The following NOS1AP variants were observed in gnomAD, a reference collection of about 807,000 sequenced individuals.
The protein encoded by NOS1AP is carboxyl-terminal PDZ ligand of neuronal nitric oxide synthase protein.
NOS1AP carries 21 observed loss-of-function variants against 56.2 expected under a neutral mutation model. The observed-to-expected ratio is 0.37, with a 90% CI of 0.26 to 0.54. NOS1AP has a LOEUF of 0.54. NOS1AP is among the 20% of genes least tolerant of loss of function. The pLI, the probability that NOS1AP is intolerant of heterozygous loss-of-function variation, is 0.84. For missense variants in NOS1AP, 522 were observed against 657.8 expected, an observed-to-expected ratio of 0.79 and a Z score of 2.26; for synonymous variants, 270 against 274.6, an observed-to-expected ratio of 0.98 and a Z score of 0.17.
In NOS1AP at chr1:162,365,467, G is replaced by A. The variant is rs142303407; in HGVS notation, c.1003G>A (p.Val335Met). 1.9e-4 allele frequency: 303 copies of A among 1,613,998 alleles called. 1 individual carries two copies. In the African/African-American group the frequency reaches 3.3e-3, roughly 17 times the overall value. The change falls in exon 9 of 10, where the codon GTG (valine) becomes ATG (methionine). Residue 335 changes from valine to methionine, a missense_variant. This residue lies in a region of NOS1AP where 52 missense variants were observed against 94.5 expected (regional missense o/e 0.55). Transcript: ENST00000361897. ...GGCGCGGCTGGAGGCCCAGGCTCGC[G>A]TGCATCAGCTTTTGCTGCAGAACAA... Reference protein sequence around the residue: ...AAARLEAQARVHQLLLQNKDM... With the variant: ...AAARLEAQARMHQLLLQNKDM...
chr1:162,127,264 T>A (rs369480739), intron 1 of NOS1AP, among the ~76,000 whole-genome samples: 116 of 152,320 alleles, frequency 7.6e-4, no homozygotes, highest in African/African-American at 2.6e-3. Context: ...CAACCACATA[T>A]AACTTTTTGT....
At position 162,331,025 on chromosome 1, in the gene NOS1AP, G is replaced by T. The variant is rs557963422; in HGVS notation, c.345-1992G>T. On this transcript the variant is annotated intron_variant, in intron 4 of 9. Transcript: ENST00000361897. ...GGGAATATGATGAATTCACTCGGGG[G>T]TATGAGGAATTTGAGAAGCTTGAGA... is the stretch of plus-strand genomic sequence containing the variant. Among the ~76,000 whole-genome samples the T allele has an allele frequency of 1.4e-4, 21 of 152,244 alleles. No individual in the cohort carries two copies. In the South Asian group the frequency reaches 3.3e-3, roughly 24 times the overall value.
At chr1:162,183,770 C>G (rs1651338972) in intron 2 of NOS1AP, among the ~76,000 whole-genome samples, 1 of 152,234 alleles carries the variant, frequency 6.6e-6, no homozygotes, top group African/African-American at 2.4e-5. Flanking sequence ...AGAGTTAGAG[C>G]CTTGCTCTGG....
chr1:162,095,197 G>A (rs993905208), intron 1 of NOS1AP, among the ~76,000 whole-genome samples: 1 of 152,248 alleles, frequency 6.6e-6, no homozygotes, highest in Admixed American at 6.5e-5. Context: ...TTGTGTTGAG[G>A]CCCTAATGCC....
At chr1:162,297,292 T>C (rs116672771) in intron 3 of NOS1AP, among the ~76,000 whole-genome samples, 4,278 of 152,292 alleles carry the variant, frequency 0.028, 84 homozygotes, top group Non-Finnish European at 0.043. Flanking sequence ...GAGCAGACTG[T>C]CCTGATGGTA....
chr1:162,099,760 C>A (rs1417719224), intron 1 of NOS1AP, among the ~76,000 whole-genome samples: 3 of 152,062 alleles, frequency 2.0e-5, no homozygotes, highest in Non-Finnish European at 2.9e-5. Flanking sequence ...TTAGGTATAT[C>A]TCCTAATGCT....
rs1232666374 is a variant in NOS1AP at position 162,367,978 on chromosome 1, T to C, written c.*511T>C. 1 of 159,510 alleles carries C rather than the reference T, an allele frequency of 6.3e-6. No homozygotes were observed. Among genetic ancestry groups the C allele is most frequent in the African/African-American group, 2.4e-5 (1 of 41,542 alleles). 9.9% of individuals were successfully genotyped at this position (159,510 alleles called of 1,614,324 possible). On this transcript the variant is annotated 3_prime_UTR_variant, in exon 10 of 10. Coordinates refer to ENST00000361897, the MANE Select transcript of NOS1AP (RefSeq NM_014697.3). The surrounding 1 kb of genome is among the most constrained non-coding windows in gnomAD (Gnocchi z 6.5). ...TGAGAGGAATTCCTTCTCCAGGCCC[T>C]TGCTGAGATTGTAGAGATTGAGTGC... is the stretch of plus-strand genomic sequence containing the variant.
At chr1:162,273,020 C>T (rs1248231096) in intron 2 of NOS1AP, among the ~76,000 whole-genome samples, 2 of 152,088 alleles carry the variant, frequency 1.3e-5, no homozygotes, top group Admixed American at 6.5e-5. Context: ...ATTGCCCTAG[C>T]TTAGTGACCC....
intron 2 of NOS1AP, among the ~76,000 whole-genome samples, chr1:162,279,703 G>A (rs1208975250): frequency 6.6e-6 from 1 of 152,184 alleles, no homozygotes; most frequent in Non-Finnish European, 1.5e-5. Context: ...CTTGCTTTCT[G>A]TTATAAAATG....
intron 4 of NOS1AP, chr1:162,316,745 G>A (rs1445273641): frequency 2.0e-5 from 3 of 152,674 alleles, no homozygotes; most frequent in Non-Finnish European, 4.4e-5. Flanking sequence ...CATTCTCAAG[G>A]GTGGGGAGAA....
chr1:162,291,799 A>G (rs1210604664), intron 3 of NOS1AP, among the ~76,000 whole-genome samples: 1 of 152,224 alleles, frequency 6.6e-6, no homozygotes, highest in Non-Finnish European at 1.5e-5. Context: ...AATTAGCTGT[A>G]CTTTGATGTC....
chr1:162,187,855 G>A (rs1651492330), intron 2 of NOS1AP, among the ~76,000 whole-genome samples: 1 of 152,152 alleles, frequency 6.6e-6, no homozygotes, highest in African/African-American at 2.4e-5. Context: ...TGTCTATGAT[G>A]CCATGTGATG....
At chr1:162,092,542 T>A (rs907161038) in intron 1 of NOS1AP, among the ~76,000 whole-genome samples, 1 of 152,236 alleles carries the variant, frequency 6.6e-6, no homozygotes, top group Non-Finnish European at 1.5e-5. Flanking sequence ...TGAATTGACA[T>A]TTTATTTATC....
chr1:162,267,074 A>G (rs973221752), intron 2 of NOS1AP, among the ~76,000 whole-genome samples: 76 of 152,320 alleles, frequency 5.0e-4, no homozygotes, highest in African/African-American at 1.8e-3. Context: ...ACAAATATAA[A>G]CAGATCACAA....
chr1:162,333,119 G>C lies in NOS1AP; in HGVS notation c.447G>C (p.Lys149Asn). The part of the protein sequence containing the change: ...NIFRCNVFKS[K>N]KKSQAMRIVR... ...TCAGGTGTAACGTCTTTAAATCCAA[G>C]AAGAAGGTAAAGAGGCGGTTGCCGT... Residue 149 changes from lysine to asparagine, a missense_variant, in exon 5 of 10, where the codon AAG (lysine) becomes AAC (asparagine). Lys to Asn is a moderately conservative substitution (Grantham distance 94, BLOSUM62 0). Coordinates refer to ENST00000361897, the MANE Select transcript of NOS1AP (RefSeq NM_014697.3). 1 of 1,610,846 alleles carries C rather than the reference G, an allele frequency of 6.2e-7. No individual in the cohort carries two copies. Among genetic ancestry groups the C allele is most frequent in the Non-Finnish European group, 8.5e-7 (1 of 1,177,070 alleles).
intron 2 of NOS1AP, among the ~76,000 whole-genome samples, chr1:162,192,510 T>G (rs1041841348): frequency 2.6e-5 from 4 of 152,146 alleles, no homozygotes; most frequent in Non-Finnish European, 4.4e-5. Context: ...GCACTTGTGT[T>G]AGAGGAACCA....
intron 8 of NOS1AP, chr1:162,363,411 A>G (rs528101875): frequency 1.3e-5 from 2 of 152,690 alleles, no homozygotes; most frequent in Non-Finnish European, 2.9e-5. Context: ...ACCACCCTCC[A>G]GGAACCTCTA....
Position 162,188,207 on chromosome 1 carries a change from G to A in NOS1AP, c.177+33731G>A, listed in dbSNP as rs1278360927. Among the ~76,000 whole-genome samples the A allele has an allele frequency of 1.3e-5, 2 of 152,192 alleles. No homozygotes were observed. Among genetic ancestry groups the A allele is most frequent in the Non-Finnish European group, 2.9e-5 (2 of 68,038 alleles). On this transcript the variant is annotated intron_variant, in intron 2 of 9. Coordinates refer to ENST00000361897, the MANE Select transcript of NOS1AP (RefSeq NM_014697.3). This position sits in a 1 kb window ranked among gnomAD's most constrained non-coding sequence, Gnocchi z 4.0. ...GCCTCTGGTCAAATGGCATGCTGGA[G>A]TTTTTAGATGAAAGATGCTATTTTG...
At chr1:162,230,406 A>G (rs1401160430) in intron 2 of NOS1AP, among the ~76,000 whole-genome samples, 1 of 152,220 alleles carries the variant, frequency 6.6e-6, no homozygotes, top group East Asian at 1.9e-4. Context: ...GGAAATGTTC[A>G]GAGCAGCTCA....
Sources: gnomAD v4.1 joint callset for allele counts (sites outside exome capture counted in the v4.1 genomes callset) on GRCh38, gnomAD v4.1.1 for gene constraint, gnomAD v4.1.1 regional missense constraint, Gnocchi (gnomAD v3.1) non-coding constraint, MANE v1.5 for transcripts, NCBI Gene and HGNC (gene_info 2026-07-23, HGNC 2026-07-21) for gene names.